Variants in CD226 observed in about 807,000 individuals in gnomAD.
CD226 encodes CD226 molecule.
CD226 carries 24 observed loss-of-function variants against 34.9 expected under a neutral mutation model. That is an observed-to-expected ratio of 0.69 (90% confidence interval 0.50 to 0.97). CD226 has a LOEUF of 0.97. Ranked by LOEUF, CD226 falls within the 50% of genes least tolerant of loss-of-function variation. The pLI, the probability that CD226 is intolerant of heterozygous loss-of-function variation, is 0.00. For missense variants in CD226, 397 were observed against 412.7 expected (o/e 0.96, Z 0.33); for synonymous variants, 148 against 147.4 (o/e 1.00, Z -0.03).
chr18:69,955,605 C>T lies in CD226; in HGVS notation c.-28+1150G>A, dbSNP rs113284480. On this transcript the variant is annotated intron_variant, in intron 1 of 6. Transcript: ENST00000280200. ...ACAGGAGGCCGGGTGCGGTGGCTCA[C>T]GCCTGTAATCCCAAAGTGAAGGCCG... 6.8e-3 allele frequency among the ~76,000 whole-genome samples: 1,031 copies of T among 152,182 alleles called. 4 individuals carry two copies. The highest frequency in any genetic ancestry group is 0.01 in the Middle Eastern group (3 of 294).
intron 2 of CD226, among the ~76,000 whole-genome samples, chr18:69,935,762 G>A (rs937927664): frequency 8.5e-5 from 13 of 152,188 alleles, no homozygotes; most frequent in African/African-American, 3.1e-4. Context: ...GAGAATCAGT[G>A]TCCGAAGCTT....
At chr18:69,882,765 G>A (rs116900794) in intron 3 of CD226, among the ~76,000 whole-genome samples, 1 of 152,312 alleles carries the variant, frequency 6.6e-6, no homozygotes, top group Non-Finnish European at 1.5e-5. Context: ...TGGATTCTGG[G>A]TGATCCTCCT....
chr18:69,868,835 A>G (rs907336740), intron 4 of CD226, among the ~76,000 whole-genome samples: 4 of 152,216 alleles, frequency 2.6e-5, no homozygotes, highest in African/African-American at 9.6e-5. Flanking sequence ...AGACACACAC[A>G]TACACATTTA....
At chr18:69,895,265 A>T (rs910554979) in intron 3 of CD226, among the ~76,000 whole-genome samples, 1 of 152,216 alleles carries the variant, frequency 6.6e-6, no homozygotes, top group Non-Finnish European at 1.5e-5. Flanking sequence ...GCTGAAATGC[A>T]CTCAACGCAG....
intron 3 of CD226, among the ~76,000 whole-genome samples, chr18:69,891,745 TA>T (rs1984917026): frequency 6.6e-6 from 1 of 152,066 alleles, no homozygotes; most frequent in Non-Finnish European, 1.5e-5. Flanking sequence ...CCAATAACAA[TA>T]AAAGGAATAA....
Position 69,859,714 on chromosome 18 carries a change from CAAA to C in CD226, c.*4597_*4599del, listed in dbSNP as rs1161314949. The C allele has an allele frequency of 6.6e-6, 1 of 151,948 alleles. No homozygotes were observed. Among genetic ancestry groups the C allele is most frequent in the Non-Finnish European group, 1.5e-5 (1 of 67,980 alleles). 9.4% of individuals were successfully genotyped at this position (151,948 alleles called of 1,614,324 possible). A position where few individuals can be genotyped will look rare whatever the true frequency, so the allele number is the denominator to read the frequency against. Reference sequence around the variant, plus strand: ...AGGGACTACTATGTTTCGGGAAAAACAAAAACAAACAAACAAAAAACCTGTAAA... The same window carrying C: ...AGGGACTACTATGTTTCGGGAAAAACAACAAACAAACAAAAAACCTGTAAA... On this transcript the variant is annotated 3_prime_UTR_variant, in exon 6 of 6. Transcript: ENST00000582621.
At position 69,860,400 on chromosome 18, in the gene CD226, C is replaced by A. The variant is rs1306623219; in HGVS notation, c.*3914G>T. On this transcript the variant is annotated 3_prime_UTR_variant, in exon 6 of 6. Coordinates refer to ENST00000582621, the MANE Select transcript of CD226 (RefSeq NM_001303618.2). ...TCTAACAAGGATAATACGAAATAAA[C>A]CAGAATTATCCCAGACATTTATTAC... The A allele has an allele frequency of 6.6e-6, 1 of 152,156 alleles. No homozygotes were observed. Among genetic ancestry groups the A allele is most frequent in the Non-Finnish European group, 1.5e-5 (1 of 68,020 alleles). The allele number at this position is 152,156 out of a possible 1,614,324, so 9.4% of individuals were successfully genotyped here.
intron 4 of CD226, among the ~76,000 whole-genome samples, chr18:69,867,965 G>A (rs1008510467): frequency 2.0e-5 from 3 of 152,100 alleles, no homozygotes; most frequent in Non-Finnish European, 2.9e-5. Flanking sequence ...TCACATGATC[G>A]GTTGGTGTAG....
intron 2 of CD226, among the ~76,000 whole-genome samples, chr18:69,905,877 G>A (rs916888972): frequency 6.6e-6 from 1 of 152,116 alleles, no homozygotes; most frequent in African/African-American, 2.4e-5. Context: ...ATTGCCCGAC[G>A]GTGCTCACCA....
intron 3 of CD226, among the ~76,000 whole-genome samples, chr18:69,887,094 CT>C (rs769973567): frequency 4.6e-4 from 70 of 152,084 alleles, no homozygotes; most frequent in Non-Finnish European, 9.1e-4. Context: ...AAACTGATAC[CT>C]TTATCTGCTG....
chr18:69,880,695 A>C (rs1984204322), intron 3 of CD226, among the ~76,000 whole-genome samples: 1 of 139,796 alleles, frequency 7.2e-6, no homozygotes, highest in African/African-American at 2.6e-5. Context: ...TTTGTCACCC[A>C]GGCTGGAGTG....
chr18:69,911,923 T>C (rs951578696), intron 2 of CD226, among the ~76,000 whole-genome samples: 2 of 152,240 alleles, frequency 1.3e-5, no homozygotes, highest in African/African-American at 2.4e-5. Flanking sequence ...CTCTTAATCA[T>C]ATTTCTTGGC....
At position 69,864,401 on chromosome 18, in the gene CD226, T is replaced by C. The variant is rs767333276; in HGVS notation, c.924A>G (p.Gln308=). The C allele has an allele frequency of 6.2e-7, 1 of 1,613,588 alleles. No individual in the cohort carries two copies. Among genetic ancestry groups the C allele is most frequent in the African/African-American group, 1.3e-5 (1 of 75,026 alleles). ...NNYRSPISTS[Q]PTNQSMDDTR... ...TATCATCCATGGATTGATTGGTAGG[T>C]TGACTGGTAGAGATGGGACTTCTAT... The change falls in exon 6 of 6, where the codon CAA becomes CAG. Residue 308 remains glutamine (Q), a synonymous_variant. Coordinates refer to ENST00000582621, the MANE Select transcript of CD226 (RefSeq NM_001303618.2).
Position 69,860,123 on chromosome 18 carries a change from A to G in CD226, c.*4191T>C, listed in dbSNP as rs1982739975. ...CAAAGAACATTGCATTGAGATAAAAATTACAATGTATCATTGATTTGAATT... is the reference window on the plus strand; with the variant it reads ...CAAAGAACATTGCATTGAGATAAAAGTTACAATGTATCATTGATTTGAATT... On this transcript the variant is annotated 3_prime_UTR_variant, in exon 6 of 6. Transcript: ENST00000582621. 6.6e-6 allele frequency: 1 copy of G among 152,188 alleles called. No individual in the cohort carries two copies. The highest frequency in any genetic ancestry group is 1.5e-5 in the Non-Finnish European group (1 of 68,032). The allele number at this position is 152,188 out of a possible 1,614,324, so 9.4% of individuals were successfully genotyped here. A position where few individuals can be genotyped will look rare whatever the true frequency, so the allele number is the denominator to read the frequency against.
intron 1 of CD226, among the ~76,000 whole-genome samples, chr18:69,955,076 C>T (rs1211833632): frequency 3.3e-5 from 5 of 151,402 alleles, no homozygotes; most frequent in Non-Finnish European, 7.4e-5. Context: ...ATGAATTCAT[C>T]TCACAAGCTT....
intron 2 of CD226, among the ~76,000 whole-genome samples, chr18:69,924,656 C>G (rs2055497920): frequency 1.5e-5 from 1 of 64,986 alleles, no homozygotes; most frequent in Non-Finnish European, 2.7e-5. Context: ...GCTGAACTGA[C>G]AAAGTCAAAG....
At chr18:69,955,512 G>A (rs1383887805) in intron 1 of CD226, among the ~76,000 whole-genome samples, 3 of 152,150 alleles carry the variant, frequency 2.0e-5, no homozygotes, top group African/African-American at 4.8e-5. Context: ...TCTCAGATGC[G>A]AGGGTTTGCC....
chr18:69,910,689 T>G (rs2055313074), intron 2 of CD226, among the ~76,000 whole-genome samples: 1 of 152,198 alleles, frequency 6.6e-6, no homozygotes, highest in Non-Finnish European at 1.5e-5. Flanking sequence ...AGTTTCAGTT[T>G]CTTTGGTTTA....
rs142340563 is a variant in CD226 at position 69,872,492 on chromosome 18, C to T, written c.830+652G>A. On this transcript the variant is annotated intron_variant, in intron 4 of 5. Coordinates refer to ENST00000582621, the MANE Select transcript of CD226 (RefSeq NM_001303618.2). ...ACTCGAACTCTTGGACTCAAGCAAT[C>T]CTCCAGCCTCAGCCTCCTGAGTAGC... Among the ~76,000 whole-genome samples the T allele has an allele frequency of 8.1e-3, 1,232 of 152,184 alleles. 9 individuals are homozygous for T. The highest frequency in any genetic ancestry group is 0.031 in the Middle Eastern group (9 of 294).
Sources: allele counts gnomAD v4.1 joint callset (sites outside exome capture counted in the v4.1 genomes callset), GRCh38; gene constraint gnomAD v4.1.1; transcripts MANE v1.5; gene names NCBI Gene and HGNC (gene_info 2026-07-23, HGNC 2026-07-21).